The following ZNF91 variants were observed in gnomAD, a reference collection of about 807,000 sequenced individuals.
ZNF91 encodes the protein zinc finger protein 91 (HPF7, HTF10).
ZNF91 carries 7 observed loss-of-function variants against 12.6 expected under a neutral mutation model. The ratio of observed to expected loss-of-function variants is 0.55; its 90% CI spans 0.31 to 1.04. The LOEUF (loss-of-function observed/expected upper bound fraction) is 1.04. ZNF91 is among the 50% of genes least tolerant of loss of function. ZNF91 has a pLI of 0.05. For missense variants in ZNF91, 1,217 were observed against 1,385.4 expected (o/e 0.88, Z 1.93); for synonymous variants, 453 against 462.6 (o/e 0.98, Z 0.27).
chr19:23,324,003 C>CCT (rs1308338238), intron 1 of ZNF91: 1 of 150,014 alleles, frequency 6.7e-6, no homozygotes, highest in Non-Finnish European at 1.5e-5. Flanking sequence ...CGATTCTCCT[C>CCT]CTCTCCTTTC....
chr19:23,375,322 G>C (rs1969467589), intron 1 of ZNF91, among the ~76,000 whole-genome samples: 2 of 152,152 alleles, frequency 1.3e-5, no homozygotes, highest in East Asian at 1.9e-4. Context: ...ACCACGCCCG[G>C]CTAATTTTTT....
intron 1 of ZNF91, among the ~76,000 whole-genome samples, chr19:23,323,015 CTT>C (rs942852832): frequency 6.8e-6 from 1 of 146,696 alleles, no homozygotes; most frequent in African/African-American, 2.5e-5. Context: ...TCCTTTTCCT[CTT>C]TTTCTCCTCG....
intron 1 of ZNF91, among the ~76,000 whole-genome samples, chr19:23,310,113 C>T (rs1967450020): frequency 6.6e-6 from 1 of 152,038 alleles, no homozygotes; most frequent in South Asian, 2.1e-4. Flanking sequence ...CTTAAAGCTA[C>T]AGACACTATC....
intron 3 of ZNF91, among the ~76,000 whole-genome samples, chr19:23,346,420 A>G (rs1250780016): frequency 3.9e-5 from 6 of 152,144 alleles, no homozygotes; most frequent in Non-Finnish European, 8.8e-5. Context: ...TCGAGACAAC[A>G]TGATTGTGTG....
intron 1 of ZNF91, among the ~76,000 whole-genome samples, chr19:23,392,460 T>C (rs1970100396): frequency 6.6e-6 from 1 of 151,372 alleles, no homozygotes; most frequent in South Asian, 2.1e-4. Flanking sequence ...GTATCAAGTT[T>C]CATCACATAA....
At chr19:23,347,848 T>C (rs1205885823) in intron 3 of ZNF91, among the ~76,000 whole-genome samples, 1 of 152,180 alleles carries the variant, frequency 6.6e-6, no homozygotes, top group East Asian at 1.9e-4. Flanking sequence ...CAAGTAGACT[T>C]CACTCACATG....
At chr19:23,381,586 C>T (rs769737429) in intron 1 of ZNF91, among the ~76,000 whole-genome samples, 1 of 151,758 alleles carries the variant, frequency 6.6e-6, no homozygotes, top group Non-Finnish European at 1.5e-5. Context: ...CTCAATCTCC[C>T]GAGTAGCTGG....
downstream of ZNF91, among the ~76,000 whole-genome samples, chr19:23,357,228 AAAAC>A (rs979981607): frequency 1.5e-4 from 22 of 142,842 alleles, no homozygotes; most frequent in African/African-American, 4.6e-4. Context: ...CTCTGTCTCA[AAAAC>A]AAACAAACAA....
At chr19:23,367,603 A>G (rs543802792) in intron 3 of ZNF91, among the ~76,000 whole-genome samples, 1 of 152,132 alleles carries the variant, frequency 6.6e-6, no homozygotes, top group South Asian at 2.1e-4. Context: ...ACACCCATGG[A>G]AAAAAAACAA....
intron 1 of ZNF91, among the ~76,000 whole-genome samples, chr19:23,309,304 G>C (rs1218398532): frequency 6.6e-6 from 1 of 152,078 alleles, no homozygotes; most frequent in African/African-American, 2.4e-5. Context: ...TCACCTAATA[G>C]ATGTGACTCT....
chr19:23,356,772 G>A (rs1368021993), downstream of ZNF91, among the ~76,000 whole-genome samples: 1 of 151,690 alleles, frequency 6.6e-6, no homozygotes, highest in Non-Finnish European at 1.5e-5. Context: ...ATTACAGACA[G>A]GCTCACATAA....
At chr19:23,346,364 C>A (rs563061303) in intron 3 of ZNF91, among the ~76,000 whole-genome samples, 62 of 152,198 alleles carry the variant, frequency 4.1e-4, no homozygotes, top group Non-Finnish European at 8.2e-4. Context: ...AGTTCCCAAC[C>A]AGGACCCCAC....
At chr19:23,317,713 A>G (rs1266443315) in intron 1 of ZNF91, among the ~76,000 whole-genome samples, 1 of 152,186 alleles carries the variant, frequency 6.6e-6, no homozygotes, top group Non-Finnish European at 1.5e-5. Context: ...GTCCACAGGT[A>G]GGCTGGTGAC....
At chr19:23,355,262 C>G (rs529277686), downstream of ZNF91, among the ~76,000 whole-genome samples, 1 of 152,218 alleles carries the variant, frequency 6.6e-6, no homozygotes, top group South Asian at 2.1e-4. Context: ...TAAAAATAGG[C>G]ACATAGACCA....
chr19:23,328,286 C>T (rs1967871784), intron 1 of ZNF91: 1 of 152,138 alleles, frequency 6.6e-6, no homozygotes, highest in Non-Finnish European at 1.5e-5. Flanking sequence ...AAAGTTTGGC[C>T]TTTGTGTATG....
At chr19:23,346,999 T>C (rs979247838) in intron 3 of ZNF91, among the ~76,000 whole-genome samples, 5 of 152,144 alleles carry the variant, frequency 3.3e-5, no homozygotes, top group Non-Finnish European at 7.3e-5. Context: ...ACCTTTCTTA[T>C]ACCTTTTCCA....
At chr19:23,395,130 G>A (rs541412869) in intron 1 of ZNF91, among the ~76,000 whole-genome samples, 195 bp downstream of exon 1, 11 of 152,290 alleles carry the variant, frequency 7.2e-5, no homozygotes, top group South Asian at 2.1e-4. Context: ...GGAAGAGACA[G>A]GACGCCCGGA....
chr19:23,331,895 A>G (rs1967934500), intron 1 of ZNF91, among the ~76,000 whole-genome samples: 1 of 152,224 alleles, frequency 6.6e-6, no homozygotes, highest in Non-Finnish European at 1.5e-5. Flanking sequence ...TCATTTGCCC[A>G]GCTTGTCTCT....
intron 1 of ZNF91, among the ~76,000 whole-genome samples, chr19:23,386,054 A>G (rs935180876): frequency 2.0e-5 from 3 of 152,192 alleles, no homozygotes; most frequent in African/African-American, 7.2e-5. Context: ...CATAAACATA[A>G]TCCCATTCAC....
Sources: allele counts gnomAD v4.1 joint callset (sites outside exome capture counted in the v4.1 genomes callset), GRCh38; gene constraint gnomAD v4.1.1; transcripts MANE v1.5; gene names NCBI Gene and HGNC (gene_info 2026-07-23, HGNC 2026-07-21).